MALRD1: variants seen among roughly 807,000 people sequenced by gnomAD.
MALRD1 encodes MAM and LDL receptor class A domain containing 1, also known as MAM and LDL-receptor class A domain-containing protein 1.
In MALRD1, 247 loss-of-function variants were observed where a neutral mutation model predicts 242.1. The observed-to-expected ratio is 1.02, with a 90% confidence interval of 0.92 to 1.13. MALRD1 has a LOEUF of 1.13. Among genes scored for constraint, MALRD1 ranks in the 50% most tolerant of loss-of-function variants. MALRD1 has a pLI of 0.00. For missense variants in MALRD1, 2,989 were observed against 2,533.1 expected, an observed-to-expected ratio of 1.18 and a Z score of -3.86; for synonymous variants, 995 against 866.6, an observed-to-expected ratio of 1.15 and a Z score of -2.60.
chr10:19,085,280 C>A (rs780304560), intron 2 of MALRD1, among the ~76,000 whole-genome samples: 29 of 151,982 alleles, frequency 1.9e-4, no homozygotes, highest in Non-Finnish European at 3.1e-4. Context: ...GAAAAATGTT[C>A]TCTGGAAAGC....
At chr10:19,699,754 GAGC>G (rs749651617) in intron 38 of MALRD1, among the ~76,000 whole-genome samples, 36 of 152,140 alleles carry the variant, frequency 2.4e-4, no homozygotes, top group Admixed American at 6.6e-4. Context: ...GTGAAAACAG[GAGC>G]AGGAGAGAGA....
At chr10:19,619,731 CTTA>C (rs1839319079) in intron 36 of MALRD1, among the ~76,000 whole-genome samples, 1 of 152,000 alleles carries the variant, frequency 6.6e-6, no homozygotes, top group African/African-American at 2.4e-5. Context: ...GCTATTAATT[CTTA>C]TTTATCTTTT....
chr10:19,078,893 G>C (rs952264278), intron 2 of MALRD1, among the ~76,000 whole-genome samples: 2 of 151,426 alleles, frequency 1.3e-5, no homozygotes, highest in East Asian at 3.9e-4. Flanking sequence ...AGTAAATTGA[G>C]TTTTTAATTT....
chr10:19,443,804 T>C (rs1232778692), intron 28 of MALRD1, among the ~76,000 whole-genome samples: 1 of 152,212 alleles, frequency 6.6e-6, no homozygotes, highest in East Asian at 1.9e-4. Flanking sequence ...TCTGTTGATT[T>C]GGGATGGAGA....
chr10:19,728,160 T>G (rs911880471), intron 38 of MALRD1, among the ~76,000 whole-genome samples: 4 of 152,188 alleles, frequency 2.6e-5, no homozygotes, highest in African/African-American at 9.6e-5. Flanking sequence ...AAAGTTGAAG[T>G]AGGAAGGATT....
At chr10:19,194,145 T>C (rs911733429) in intron 14 of MALRD1, among the ~76,000 whole-genome samples, 4 of 152,172 alleles carry the variant, frequency 2.6e-5, no homozygotes, top group African/African-American at 7.2e-5. Flanking sequence ...GTTATTAACA[T>C]GAGCTGACTA....
At position 19,425,250 on chromosome 10, in the gene MALRD1, T is replaced by C. The variant is rs552960335; in HGVS notation, c.4846-25057T>C. Among the ~76,000 whole-genome samples, 326 of 152,308 alleles carry C rather than the reference T, an allele frequency of 2.1e-3. 1 individual carries two copies. Among genetic ancestry groups the C allele is most frequent in the African/African-American group, 7.6e-3 (316 of 41,574 alleles). On this transcript the variant is annotated intron_variant, in intron 28 of 39. Transcript: ENST00000454679. ...GTCTTTTCCTTATTAGCCTTAATAA[T>C]AGAGTTTTGGCTATTGCTTTTGACA...
chr10:19,491,731 A>T, intron 30 of MALRD1, 86 bp downstream of exon 30: 1 of 1,406,056 alleles, frequency 7.1e-7, no homozygotes, highest in African/African-American at 1.4e-5. Context: ...TTGATGATGG[A>T]GAAGAAATAT....
chr10:19,399,136 G>A (rs1187715987), intron 28 of MALRD1, among the ~76,000 whole-genome samples: 1 of 151,972 alleles, frequency 6.6e-6, no homozygotes, highest in African/African-American at 2.4e-5. Context: ...TTAAAGTGTG[G>A]CTTCACATGG....
intron 26 of MALRD1, among the ~76,000 whole-genome samples, chr10:19,355,920 A>G (rs1000853899): frequency 1.4e-5 from 2 of 144,624 alleles, no homozygotes; most frequent in African/African-American, 5.1e-5. Context: ...TGCTGAGGTT[A>G]TATATCATAT....
chr10:19,400,751 C>T (rs981321960), intron 28 of MALRD1, among the ~76,000 whole-genome samples: 3 of 152,134 alleles, frequency 2.0e-5, no homozygotes, highest in African/African-American at 7.2e-5. Context: ...TGTGGTAGCT[C>T]ACGCCTATAA....
intron 32 of MALRD1, among the ~76,000 whole-genome samples, chr10:19,559,047 A>C (rs1292947770): frequency 6.6e-6 from 1 of 151,832 alleles, no homozygotes; most frequent in Non-Finnish European, 1.5e-5. Context: ...GCCAGGCATG[A>C]TGGTGGGCAC....
chr10:19,255,576 T>A (rs1564506424), intron 18 of MALRD1, among the ~76,000 whole-genome samples: 1 of 152,100 alleles, frequency 6.6e-6, no homozygotes, highest in East Asian at 1.9e-4. Context: ...AATGCTTTTC[T>A]TAAATATTCA....
At chr10:19,251,942 G>A (rs1283364125) in intron 18 of MALRD1, among the ~76,000 whole-genome samples, 1 of 151,870 alleles carries the variant, frequency 6.6e-6, no homozygotes, top group Non-Finnish European at 1.5e-5. Context: ...TCCTACTCCA[G>A]CCATGTAGGA....
intron 19 of MALRD1, among the ~76,000 whole-genome samples, chr10:19,278,419 A>G (rs1024904156): frequency 2.6e-5 from 4 of 151,992 alleles, no homozygotes; most frequent in African/African-American, 7.3e-5. Context: ...TTATTCATTC[A>G]TCCACTCTGG....
chr10:19,171,905 TA>T (rs1321740369), intron 13 of MALRD1, among the ~76,000 whole-genome samples: 1 of 140,162 alleles, frequency 7.1e-6, no homozygotes, highest in Non-Finnish European at 1.6e-5. Flanking sequence ...ATATATCACA[TA>T]ATATATGATA....
chr10:19,586,350 TG>T (rs1235586045), intron 33 of MALRD1, among the ~76,000 whole-genome samples: 1 of 152,192 alleles, frequency 6.6e-6, no homozygotes, highest in Non-Finnish European at 1.5e-5. Flanking sequence ...TCCCCATTTT[TG>T]TGGTTTTATC....
intron 29 of MALRD1, among the ~76,000 whole-genome samples, chr10:19,457,449 A>G (rs984853812): frequency 6.6e-6 from 1 of 152,234 alleles, no homozygotes; most frequent in Non-Finnish European, 1.5e-5. Flanking sequence ...CCAAGGCTCA[A>G]GAAAGCTGCC....
At chr10:19,480,904 C>T (rs1836967466) in intron 29 of MALRD1, among the ~76,000 whole-genome samples, 1 of 152,036 alleles carries the variant, frequency 6.6e-6, no homozygotes, top group Admixed American at 6.5e-5. Context: ...ACCTAGGGTT[C>T]AGCAATCAAT....
Sources: gnomAD v4.1 joint callset for allele counts (sites outside exome capture counted in the v4.1 genomes callset) on GRCh38, gnomAD v4.1.1 for gene constraint, MANE v1.5 for transcripts, NCBI Gene and HGNC (gene_info 2026-07-23, HGNC 2026-07-21) for gene names.